Variants in FAM184A observed in about 807,000 individuals in gnomAD.
FAM184A encodes family with sequence similarity 184 member A.
In FAM184A, 99 loss-of-function variants were observed where a neutral mutation model predicts 143.8. The ratio of observed to expected loss-of-function variants is 0.69; its 90% confidence interval spans 0.58 to 0.81. The LOEUF is 0.81. FAM184A is among the 40% of genes least tolerant of loss of function. FAM184A has a pLI of 0.00. For synonymous variants in FAM184A, 427 were observed against 446.4 expected (o/e 0.96, Z 0.55); for missense variants, 1,217 against 1,310.5 (o/e 0.93, Z 1.10).
chr6:118,971,259 A>G (rs1373914237), intron 14 of FAM184A, among the ~76,000 whole-genome samples: 1 of 152,224 alleles, frequency 6.6e-6, no homozygotes, highest in African/African-American at 2.4e-5. Flanking sequence ...CAAAAACAAA[A>G]GTTATTTGGG....
chr6:119,114,781 T>C lies in FAM184A; in HGVS notation c.-202+34297A>G, dbSNP rs547456913. ...GGTCTTGAATGCCTGGGATCAAGCA[T>C]TGGCCTCCCAAAATGCTAGGATGGC... is the stretch of plus-strand genomic sequence containing the variant. On this transcript the variant is annotated intron_variant, in intron 1 of 16. Transcript: ENST00000352896. Among the ~76,000 whole-genome samples, 32 of 152,240 alleles carry C rather than the reference T, an allele frequency of 2.1e-4. 2 individuals are homozygous for C. In the South Asian group the frequency reaches 5.0e-3, roughly 24 times the overall value.
chr6:118,990,448 C>T (rs1379589535), intron 9 of FAM184A, among the ~76,000 whole-genome samples: 1 of 152,172 alleles, frequency 6.6e-6, no homozygotes, highest in Non-Finnish European at 1.5e-5. Context: ...GTACAGTGCC[C>T]AAGCTGTGAC....
intron 1 of FAM184A, among the ~76,000 whole-genome samples, chr6:119,118,057 G>A (rs1000601945): frequency 3.9e-5 from 6 of 152,206 alleles, no homozygotes; most frequent in Non-Finnish European, 7.3e-5. Context: ...TTGCTTTCTG[G>A]ATTGCTGTAT....
intron 14 of FAM184A, among the ~76,000 whole-genome samples, chr6:118,970,990 T>C (rs1482216745): frequency 6.6e-6 from 1 of 152,228 alleles, no homozygotes; most frequent in Non-Finnish European, 1.5e-5. Flanking sequence ...AAAAATGGTA[T>C]ACTATTGTTT....
intron 6 of FAM184A, among the ~76,000 whole-genome samples, chr6:119,008,558 G>T (rs978852777): frequency 6.6e-6 from 1 of 152,096 alleles, no homozygotes; most frequent in Admixed American, 6.5e-5. Context: ...ATTATCCTTG[G>T]ACTTTACAGT....
chr6:118,975,224 AG>A lies in FAM184A; in HGVS notation c.2584-17del. Reference sequence around the variant, plus strand: ...GCTCCTTACTCTGTTAAAAAAAAAAAGTCATTTTTAGAAGTTTTCTACATAT... The same window carrying A: ...GCTCCTTACTCTGTTAAAAAAAAAAATCATTTTTAGAAGTTTTCTACATAT... On this transcript the variant is annotated splice_polypyrimidine_tract_variant and intron_variant, in intron 12 of 17. Coordinates refer to ENST00000338891, the MANE Select transcript of FAM184A (RefSeq NM_024581.6). 1.3e-6 allele frequency: 2 copies of A among 1,482,210 alleles called. No homozygotes were observed. The highest frequency in any genetic ancestry group is 1.8e-6 in the Non-Finnish European group (2 of 1,105,064). 91.8% of individuals were successfully genotyped at this position (1,482,210 alleles called of 1,614,324 possible). A position where few individuals can be genotyped will look rare whatever the true frequency, so the allele number is the denominator to read the frequency against.
At chr6:118,974,724 T>C in intron 13 of FAM184A, 150 bp from the exon 14 acceptor site, 1 of 668,012 alleles carries the variant, frequency 1.5e-6, no homozygotes, top group Non-Finnish European at 2.4e-6. Context: ...CTTTCTGCTA[T>C]AAGCTTCTGG....
At chr6:119,025,157 T>C (rs1248181624) in intron 1 of FAM184A, among the ~76,000 whole-genome samples, 1 of 152,164 alleles carries the variant, frequency 6.6e-6, no homozygotes, top group Non-Finnish European at 1.5e-5. Flanking sequence ...TATGTCCCAA[T>C]CTAGCTTACC....
intron 14 of FAM184A, among the ~76,000 whole-genome samples, chr6:118,973,204 G>GT (rs1783747105): frequency 2.0e-5 from 3 of 152,158 alleles, no homozygotes; most frequent in Admixed American, 2.0e-4. Context: ...CTGGGGACCT[G>GT]TTTTCTGCTG....
In FAM184A at chr6:118,974,561, C is replaced by G. The variant is rs1014624551; in HGVS notation, c.2782G>C (p.Asp928His). 3 of 1,600,306 alleles carry G rather than the reference C, an allele frequency of 1.9e-6. No individual in the cohort carries two copies. The highest frequency in any genetic ancestry group is 2.6e-6 in the Non-Finnish European group (3 of 1,174,792). The change falls in exon 14 of 18, where the codon GAT becomes CAT. Residue 928 changes from aspartate (D) to histidine (H), a missense_variant. Physicochemically the swap from Asp to His is moderately conservative, Grantham distance 81. Transcript: ENST00000338891. ...SNQQIRLHEQ[D>H]LNKRLEKELD... is the part of the protein sequence containing the mutation. ...TCTTTTTCAAGTCTCTTGTTTAAAT[C>G]TTGTTCATGCAACCTGTTTGATTTA...
At position 119,010,041 on chromosome 6, in the gene FAM184A, A is replaced by G. The variant is rs550967925; in HGVS notation, c.1653+1268T>C. On this transcript the variant is annotated intron_variant, in intron 6 of 17. Coordinates refer to ENST00000338891, the MANE Select transcript of FAM184A (RefSeq NM_024581.6). ...TGCTAGGCCATGTGTGCCTCTAAGCAGGAAAAAGGCAATACCCCTCAGTGT... is the reference window on the plus strand; with the variant it reads ...TGCTAGGCCATGTGTGCCTCTAAGCGGGAAAAAGGCAATACCCCTCAGTGT... 5.3e-5 allele frequency among the ~76,000 whole-genome samples: 8 copies of G among 152,312 alleles called. No homozygotes were observed. The South Asian group carries it at 1.7e-3, about 32-fold the overall frequency.
chr6:119,015,722 G>A (rs1382323749), intron 5 of FAM184A, among the ~76,000 whole-genome samples: 10 of 152,378 alleles, frequency 6.6e-5, no homozygotes, highest in African/African-American at 9.6e-5. Context: ...CACATGGCAC[G>A]GAACTGGCAG....
At chr6:119,033,345 T>TA (rs1172519358) in intron 1 of FAM184A, among the ~76,000 whole-genome samples, 1 of 152,238 alleles carries the variant, frequency 6.6e-6, no homozygotes, top group African/African-American at 2.4e-5. Context: ...CTACCTAAAT[T>TA]ATCTGGATGA....
At chr6:119,032,142 C>T (rs1373573966) in intron 1 of FAM184A, among the ~76,000 whole-genome samples, 11 of 151,830 alleles carry the variant, frequency 7.2e-5, no homozygotes, top group African/African-American at 1.9e-4. Flanking sequence ...CATGGTGGTA[C>T]GTGCCTATAA....
chr6:118,991,785 C>CA (rs1364542067), intron 9 of FAM184A, among the ~76,000 whole-genome samples: 1 of 73,896 alleles, frequency 1.4e-5, no homozygotes, highest in African/African-American at 4.8e-5. Flanking sequence ...TTTTTTGAGA[C>CA]AGAGTCTCAC....
intron 1 of FAM184A, among the ~76,000 whole-genome samples, chr6:119,125,476 T>G (rs1297829240): frequency 6.6e-6 from 1 of 152,188 alleles, no homozygotes; most frequent in African/African-American, 2.4e-5. Flanking sequence ...TTTCACTGTG[T>G]TGTCCAGGCT....
chr6:119,054,098 CAT>C (rs1786871000), intron 1 of FAM184A, among the ~76,000 whole-genome samples: 5 of 150,906 alleles, frequency 3.3e-5, no homozygotes, highest in Non-Finnish European at 7.4e-5. Context: ...AAAAAAAAAT[CAT>C]ATATAATTTA....
At position 119,020,036 on chromosome 6, in the gene FAM184A, C is replaced by T. The variant is rs758515695; in HGVS notation, c.1274G>A (p.Arg425Gln). 71 of 1,604,654 alleles carry T rather than the reference C, an allele frequency of 4.4e-5. No homozygotes were observed. In the Admixed American group the frequency reaches 5.5e-4, roughly 12 times the overall value. ...TTCATCCAGACTTTGGGTTTTGCTTCGCAAAAAAGCTCTTTCCTCTTCAAG... is the reference window on the plus strand; with the variant it reads ...TTCATCCAGACTTTGGGTTTTGCTTTGCAAAAAAGCTCTTTCCTCTTCAAG... ...SQLEEERAFLRSKTQSLDEEQ... is the reference protein window; with the variant it reads ...SQLEEERAFLQSKTQSLDEEQ... Residue 425 changes from arginine to glutamine, a missense_variant, in exon 4 of 18, where the codon CGA becomes CAA. Transcript: ENST00000338891.
At chr6:118,998,666 G>T (rs957461278) in intron 9 of FAM184A, among the ~76,000 whole-genome samples, 2 of 152,210 alleles carry the variant, frequency 1.3e-5, no homozygotes, top group African/African-American at 4.8e-5. Context: ...TAGAAAGTGG[G>T]TTCCATGTGG....
Sources: allele counts gnomAD v4.1 joint callset (sites outside exome capture counted in the v4.1 genomes callset), GRCh38; gene constraint gnomAD v4.1.1; transcripts MANE v1.5; gene names NCBI Gene and HGNC (gene_info 2026-07-23, HGNC 2026-07-21).